Variants in RYR2 observed in about 807,000 individuals in gnomAD.
RYR2 encodes the protein ryanodine receptor 2.
In RYR2, 227 loss-of-function variants were observed where a neutral mutation model predicts 601.1. The observed-to-expected ratio is 0.38, with a 90% CI of 0.34 to 0.42. The LOEUF (loss-of-function observed/expected upper bound fraction) is 0.42, where lower values mean the gene tolerates loss of function less well. Ranked by LOEUF, RYR2 falls within the 10% of genes least tolerant of loss-of-function variation. The pLI is 1.00. For missense variants in RYR2, 4,646 were observed against 6,156.5 expected (o/e 0.75, Z 8.21); for synonymous variants, 2,223 against 2,175.1 (o/e 1.02, Z -0.61).
intron 92 of RYR2, 22 bp downstream of exon 92, chr1:237,788,157 A>T (rs1657887550): frequency 6.3e-7 from 1 of 1,575,044 alleles, no homozygotes; most frequent in Non-Finnish European, 8.7e-7. Context: ...TAGAATGAAT[A>T]TTGTTACTGA....
At chr1:237,815,141 C>T (rs1285971034) in intron 100 of RYR2, among the ~76,000 whole-genome samples, 2 of 152,016 alleles carry the variant, frequency 1.3e-5, no homozygotes, top group Non-Finnish European at 2.9e-5. Context: ...TCAACAACTT[C>T]CTCTTCTAAA....
intron 61 of RYR2, among the ~76,000 whole-genome samples, chr1:237,679,237 C>T (rs1573485538): frequency 6.6e-6 from 1 of 152,274 alleles, no homozygotes; most frequent in East Asian, 1.9e-4. Context: ...AAAATACATT[C>T]TTGTGTTGCC....
chr1:237,246,687 C>T (rs1416845544), intron 1 of RYR2, among the ~76,000 whole-genome samples: 1 of 152,130 alleles, frequency 6.6e-6, no homozygotes, highest in African/African-American at 2.4e-5. Flanking sequence ...CCCAAGTAAC[C>T]TTGGTACTTT....
chr1:237,042,951 G>A (rs1301116089), intron 1 of RYR2, among the ~76,000 whole-genome samples: 3 of 152,178 alleles, frequency 2.0e-5, no homozygotes, highest in Non-Finnish European at 4.4e-5. Context: ...GGGGCAGGGT[G>A]CAGAGCAGGG....
intron 25 of RYR2, among the ~76,000 whole-genome samples, chr1:237,547,206 A>G (rs2618664): frequency 0.9 from 136,123 of 151,452 alleles, 62,623 homozygotes; most frequent in Non-Finnish European, 0.99. Flanking sequence ...GGGTTTCACC[A>G]TGTTGGCCAG....
At chr1:237,829,903 G>C (rs1663581583) in intron 102 of RYR2, 1 of 152,256 alleles carries the variant, frequency 6.6e-6, no homozygotes, top group African/African-American at 2.4e-5. Flanking sequence ...GGGTGCTTAG[G>C]AGAGGCGTGG....
At chr1:237,050,624 A>G (rs1035819232) in intron 1 of RYR2, among the ~76,000 whole-genome samples, 1 of 152,196 alleles carries the variant, frequency 6.6e-6, no homozygotes, top group Non-Finnish European at 1.5e-5. Flanking sequence ...TGAGTTTAGA[A>G]TCTGATTCAT....
intron 100 of RYR2, among the ~76,000 whole-genome samples, chr1:237,816,022 G>A (rs1318105479): frequency 6.6e-6 from 1 of 152,106 alleles, no homozygotes; most frequent in Non-Finnish European, 1.5e-5. Flanking sequence ...CAGTTGCTGG[G>A]CAATCTTAGC....
In RYR2 at chr1:237,705,252, T is replaced by C; in HGVS notation, c.9489T>C (p.Ala3163=). 1 of 1,607,608 alleles carries C rather than the reference T, an allele frequency of 6.2e-7. No homozygotes were observed. Among genetic ancestry groups the C allele is most frequent in the Non-Finnish European group, 8.5e-7 (1 of 1,176,300 alleles). Residue 3163 remains alanine (A), a synonymous_variant, in exon 67 of 105, where the codon GCT becomes GCC. Coordinates refer to ENST00000366574, the MANE Select transcript of RYR2 (RefSeq NM_001035.3). The stretch of plus-strand genomic sequence containing the variant: ...TAGGAGAATGTCTAGCTGCCTTTGC[T>C]GGTGCTTTTCCTGTAGCATTTTTGG... ...SALGECLAAF[A]GAFPVAFLET...
chr1:237,530,125 C>T (rs1056199666), intron 24 of RYR2, among the ~76,000 whole-genome samples: 1 of 151,974 alleles, frequency 6.6e-6, no homozygotes, highest in African/African-American at 2.4e-5. Context: ...TCCTGGCTAA[C>T]ACGGTGAAAC....
intron 33 of RYR2, among the ~76,000 whole-genome samples, chr1:237,593,948 G>A (rs187758962): frequency 1.2e-4 from 19 of 152,312 alleles, no homozygotes; most frequent in Admixed American, 3.3e-4. Context: ...TGAGAGATGG[G>A]TGAATGTGCG....
At position 237,518,081 on chromosome 1, in the gene RYR2, G is replaced by A. The variant is rs762089695; in HGVS notation, c.2822+6290G>A. Among the ~76,000 whole-genome samples, 7 of 151,776 alleles carry A rather than the reference G, an allele frequency of 4.6e-5. No homozygotes were observed. The East Asian group carries it at 7.7e-4, about 17-fold the overall frequency. On this transcript the variant is annotated intron_variant, in intron 24 of 104. Transcript: ENST00000366574. ...CTTTCTATTGATATGTTAATCTATC[G>A]ACTTCTTTATTTTCTTCCATTATTA...
chr1:237,488,039 T>C (rs1256154248), intron 17 of RYR2, among the ~76,000 whole-genome samples: 2 of 152,142 alleles, frequency 1.3e-5, no homozygotes, highest in Admixed American at 1.3e-4. Context: ...ATTTTTGCAC[T>C]TTGTGACATA....
At chr1:237,698,334 T>C (rs962994299) in intron 63 of RYR2, among the ~76,000 whole-genome samples, 7 of 152,138 alleles carry the variant, frequency 4.6e-5, no homozygotes, top group African/African-American at 1.7e-4. Context: ...AATTTTATAT[T>C]ACTTTCAAGA....
rs145260469 is a variant in RYR2, at chr1:237,460,825, T to C, written c.1612+4090T>C. ...GCAATAGTCATTCCCCTCATAAGGT[T>C]GTTGGGTGGCTTAAATGTTATAATA... On this transcript the variant is annotated intron_variant, in intron 16 of 104. Coordinates refer to ENST00000366574, the MANE Select transcript of RYR2 (RefSeq NM_001035.3). 5.3e-4 allele frequency among the ~76,000 whole-genome samples: 81 copies of C among 152,300 alleles called. 1 individual carries two copies. The highest frequency in any genetic ancestry group is 1.9e-3 in the African/African-American group (78 of 41,566).
At chr1:237,812,706 C>G (rs1213945309) in intron 100 of RYR2, among the ~76,000 whole-genome samples, 1 of 152,082 alleles carries the variant, frequency 6.6e-6, no homozygotes. Flanking sequence ...GTAATACTTA[C>G]TTACATTTGC....
chr1:237,503,047 A>C (rs1318326053), intron 21 of RYR2, among the ~76,000 whole-genome samples: 1 of 152,130 alleles, frequency 6.6e-6, no homozygotes, highest in Non-Finnish European at 1.5e-5. Context: ...TGATGTCTTC[A>C]CTGACCCATT....
chr1:237,338,402 T>C (rs1697444432), intron 3 of RYR2, among the ~76,000 whole-genome samples: 1 of 152,186 alleles, frequency 6.6e-6, no homozygotes, highest in South Asian at 2.1e-4. Flanking sequence ...ATTTAGAATT[T>C]AAATTTAAGT....
At chr1:237,340,398 A>G (rs942540896) in intron 3 of RYR2, among the ~76,000 whole-genome samples, 1 of 152,192 alleles carries the variant, frequency 6.6e-6, no homozygotes, top group Non-Finnish European at 1.5e-5. Flanking sequence ...TAATAAAGAG[A>G]GAAGATAAAT....
Sources: allele counts gnomAD v4.1 joint callset (sites outside exome capture counted in the v4.1 genomes callset), GRCh38; gene constraint gnomAD v4.1.1; transcripts MANE v1.5; gene names NCBI Gene and HGNC (gene_info 2026-07-23, HGNC 2026-07-21).